LRFN5: variants seen among roughly 807,000 people sequenced by gnomAD.
LRFN5 encodes leucine-rich repeat and fibronectin type-III domain-containing protein 5.
LRFN5 carries 24 observed loss-of-function variants against 45.6 expected under a neutral mutation model. That is an observed-to-expected ratio of 0.53 (90% CI 0.38 to 0.74). The LOEUF (loss-of-function observed/expected upper bound fraction) is 0.74, where lower values mean the gene tolerates loss of function less well. Among genes scored for constraint, LRFN5 ranks in the 30% least tolerant of loss-of-function variants. The probability of loss-of-function intolerance (pLI) is 0.00; values close to 1 mark genes in which losing one functional copy is unlikely to be tolerated. For synonymous variants in LRFN5, 340 were observed against 313.8 expected, an observed-to-expected ratio of 1.08 and a Z score of -0.88; for missense variants, 776 against 861.5, an observed-to-expected ratio of 0.90 and a Z score of 1.24.
At chr14:41,828,955 C>A (rs540950481) in intron 2 of LRFN5, among the ~76,000 whole-genome samples, 7 of 151,982 alleles carry the variant, frequency 4.6e-5, no homozygotes, top group African/African-American at 1.7e-4. Flanking sequence ...AGATATTACA[C>A]ATAATGTCTT....
At position 41,887,907 on chromosome 14, in the gene LRFN5, T is replaced by G; in HGVS notation, c.1282T>G (p.Ser428Ala). Reference sequence around the variant, plus strand: ...TAAAATTGTGGTGGCAGAAGCTACATCATCAACGGCACTACTTAAATTTAA... The same window carrying G: ...TAAAATTGTGGTGGCAGAAGCTACAGCATCAACGGCACTACTTAAATTTAA... ...QDKIVVAEATSSTALLKFNFQ... is the reference protein window; with the variant it reads ...QDKIVVAEATASTALLKFNFQ... The change falls in exon 3 of 6, where the codon TCA (serine) becomes GCA (alanine). Residue 428 changes from serine (S) to alanine (A), a missense_variant. Ser to Ala is a moderately conservative substitution (Grantham distance 99, BLOSUM62 1). Transcript: ENST00000298119. This position sits in a 1 kb window ranked among gnomAD's most constrained non-coding sequence, Gnocchi z 4.8. 1 of 1,614,000 alleles carries G rather than the reference T, an allele frequency of 6.2e-7. No homozygotes were observed. The highest frequency in any genetic ancestry group is 8.5e-7 in the Non-Finnish European group (1 of 1,179,916).
chr14:41,683,451 T>A (rs1306158149), intron 1 of LRFN5, among the ~76,000 whole-genome samples: 2 of 152,148 alleles, frequency 1.3e-5, no homozygotes, highest in Non-Finnish European at 2.9e-5. Context: ...CAACATAGTA[T>A]GGGGTGTCCT....
rs756740687 is a variant in LRFN5, at chr14:41,887,174, T to C, written c.549T>C (p.Ile183=). ...CCCTTAGTTTGGATCACAATATGAT[T>C]GATAACATTCCTAAGGGGACCTTCT... ...LHTLSLDHNM[I]DNIPKGTFSH... is the part of the protein sequence containing the mutation. Residue 183 remains isoleucine, a synonymous_variant, in exon 3 of 6, where the codon ATT becomes ATC. Coordinates refer to ENST00000298119, the MANE Select transcript of LRFN5 (RefSeq NM_152447.5). This position sits in a 1 kb window ranked among gnomAD's most constrained non-coding sequence, Gnocchi z 4.8. 7.4e-6 allele frequency: 12 copies of C among 1,613,930 alleles called. No homozygotes were observed. The highest frequency in any genetic ancestry group is 5.0e-5 in the Admixed American group (3 of 59,974).
In LRFN5 at chr14:41,877,621, CAT is replaced by C. The variant is rs199648008; in HGVS notation, c.-20-8984_-20-8983del. On this transcript the variant is annotated intron_variant, in intron 2 of 5. Transcript: ENST00000298119. Reference sequence around the variant, plus strand: ...GTAAATTTATTTCATGGTAAAAATACATGTGTGTGTGTATATATATACACACG... The same window carrying C: ...GTAAATTTATTTCATGGTAAAAATACGTGTGTGTGTATATATATACACACG... 8.7e-3 allele frequency among the ~76,000 whole-genome samples: 1,318 copies of C among 151,424 alleles called. 18 individuals carry two copies. The highest frequency in any genetic ancestry group is 0.031 in the African/African-American group (1,267 of 40,988).
intron 1 of LRFN5, among the ~76,000 whole-genome samples, chr14:41,763,665 T>G (rs1031502284): frequency 3.9e-5 from 6 of 152,160 alleles, no homozygotes; most frequent in Admixed American, 2.6e-4. Context: ...AATGATTTTA[T>G]AAAGGGGAGT....
chr14:41,870,107 A>C (rs1324445407), intron 2 of LRFN5, among the ~76,000 whole-genome samples: 1 of 152,058 alleles, frequency 6.6e-6, no homozygotes, highest in Admixed American at 6.6e-5. Context: ...GGCTATGATA[A>C]ATGTATTGGC....
chr14:41,830,695 A>T (rs1302061915), intron 2 of LRFN5, among the ~76,000 whole-genome samples: 1 of 152,126 alleles, frequency 6.6e-6, no homozygotes, highest in Non-Finnish European at 1.5e-5. Flanking sequence ...AGCTGCAGGG[A>T]AGCTGGGGAT....
At chr14:41,746,876 A>G (rs1884942643) in intron 1 of LRFN5, among the ~76,000 whole-genome samples, 1 of 152,008 alleles carries the variant, frequency 6.6e-6, no homozygotes, top group South Asian at 2.1e-4. Flanking sequence ...ATACAATGTT[A>G]ACACACAAAG....
chr14:41,847,703 A>T (rs1012672164), intron 2 of LRFN5, among the ~76,000 whole-genome samples: 20 of 152,068 alleles, frequency 1.3e-4, no homozygotes, highest in African/African-American at 4.6e-4. Flanking sequence ...TGGTGGAGGA[A>T]TATATATTTT....
At chr14:41,806,752 G>A (rs1887539018) in intron 2 of LRFN5, among the ~76,000 whole-genome samples, 1 of 152,132 alleles carries the variant, frequency 6.6e-6, no homozygotes, top group Non-Finnish European at 1.5e-5. Flanking sequence ...CACACAAACA[G>A]GAAGTACACC....
chr14:41,731,837 A>T (rs1884192133), intron 1 of LRFN5: 1 of 152,216 alleles, frequency 6.6e-6, no homozygotes, highest in African/African-American at 2.4e-5. Context: ...GGATATTCCA[A>T]ATTGGTGGTG....
chr14:41,756,342 A>G (rs555525425), intron 1 of LRFN5, among the ~76,000 whole-genome samples: 72 of 152,294 alleles, frequency 4.7e-4, no homozygotes, highest in Middle Eastern at 3.4e-3. Flanking sequence ...GTTCTCCTGG[A>G]TAATATCCTG....
intron 2 of LRFN5, among the ~76,000 whole-genome samples, chr14:41,772,344 G>T (rs555954698): frequency 6.6e-6 from 1 of 152,250 alleles, no homozygotes; most frequent in Admixed American, 6.5e-5. Flanking sequence ...ATATTTTCAT[G>T]TTTAATATCC....
chr14:41,764,848 TACATATATATGATTATATATGC>T lies in LRFN5; in HGVS notation c.-196-2004_-196-1983del, dbSNP rs1272179791. ...CATATATATGATTATATATGCAGAATACATATATATGATTATATATGCAGAATACATATATATTCATATAAAT... is the reference window on the plus strand; with the variant it reads ...CATATATATGATTATATATGCAGAATAGAATACATATATATTCATATAAAT... On this transcript the variant is annotated intron_variant, in intron 1 of 5. Transcript: ENST00000298119. Among the ~76,000 whole-genome samples, 13 of 150,386 alleles carry T rather than the reference TACATATATATGATTATATATGC, an allele frequency of 8.6e-5. No homozygotes were observed. The East Asian group carries it at 2.0e-3, about 23-fold the overall frequency.
At chr14:41,654,976 A>G (rs566785697) in intron 1 of LRFN5, among the ~76,000 whole-genome samples, 3 of 152,192 alleles carry the variant, frequency 2.0e-5, no homozygotes, top group African/African-American at 4.8e-5. Context: ...TGTGATTCAC[A>G]TAAGTTATTC....
intron 1 of LRFN5, among the ~76,000 whole-genome samples, chr14:41,643,267 G>T (rs1468234018): frequency 6.6e-6 from 1 of 152,074 alleles, no homozygotes; most frequent in Admixed American, 6.6e-5. Context: ...CAAACTGTTT[G>T]AGTGAATAAA....
At chr14:41,825,003 G>A (rs772283554) in intron 2 of LRFN5, among the ~76,000 whole-genome samples, 4 of 152,190 alleles carry the variant, frequency 2.6e-5, no homozygotes, top group Non-Finnish European at 5.9e-5. Flanking sequence ...CTGCACCGTA[G>A]TTAATGGCTG....
intron 1 of LRFN5, among the ~76,000 whole-genome samples, chr14:41,760,252 A>G (rs1405548895): frequency 1.3e-5 from 2 of 152,120 alleles, no homozygotes; most frequent in Non-Finnish European, 2.9e-5. Flanking sequence ...ATAAATAAAC[A>G]TTTATTTCTT....
chr14:41,890,310 A>G (rs1890731858), intron 3 of LRFN5, among the ~76,000 whole-genome samples: 1 of 152,226 alleles, frequency 6.6e-6, no homozygotes, highest in South Asian at 2.1e-4. Context: ...TCATGTTTCT[A>G]GGATAATATT....
Sources: allele counts gnomAD v4.1 joint callset (sites outside exome capture counted in the v4.1 genomes callset), GRCh38; gene constraint gnomAD v4.1.1; non-coding constraint Gnocchi (gnomAD v3.1); transcripts MANE v1.5; gene names NCBI Gene and HGNC (gene_info 2026-07-23, HGNC 2026-07-21).